Variants in NSL1 observed in about 807,000 individuals in gnomAD.
The protein encoded by NSL1 is kinetochore-associated protein NSL1 homolog.
A neutral mutation model predicts 25.4 loss-of-function variants in NSL1; 11 were observed. The ratio of observed to expected loss-of-function variants is 0.43; its 90% CI spans 0.27 to 0.72. NSL1 has a LOEUF of 0.72. NSL1 is among the 30% of genes least tolerant of loss of function. NSL1 has a pLI of 0.19. For missense variants in NSL1, 330 were observed against 342.7 expected, an observed-to-expected ratio of 0.96 and a Z score of 0.29; for synonymous variants, 118 against 120.6, an observed-to-expected ratio of 0.98 and a Z score of 0.14.
rs972615572 is a variant in NSL1 at position 212,760,095 on chromosome 1, A to G, written c.500-20494T>C. On this transcript the variant is annotated intron_variant, in intron 4 of 5. Transcript: ENST00000366977. The surrounding 1 kb of genome is among the most constrained non-coding windows in gnomAD (Gnocchi z 4.3). ...CAGACCATCGCCAGTGCCCAATCAT[A>G]CTGTCCAGGGCCTGGGGATTGACCT... Among the ~76,000 whole-genome samples, 1 of 151,598 alleles carries G rather than the reference A, an allele frequency of 6.6e-6. No homozygotes were observed. Among genetic ancestry groups the G allele is most frequent in the Middle Eastern group, 3.2e-3 (1 of 316 alleles).
rs1192623890 is a variant in NSL1, at chr1:212,728,678, T to A, written c.*9730A>T. 2.0e-6 allele frequency: 2 copies of A among 985,356 alleles called. No homozygotes were observed. The highest frequency in any genetic ancestry group is 1.7e-5 in the African/African-American group (1 of 57,256). The allele number at this position is 985,356 out of a possible 1,614,324, so 61.0% of individuals were successfully genotyped here. On this transcript the variant is annotated 3_prime_UTR_variant, in exon 6 of 6. Coordinates refer to ENST00000366977, the MANE Select transcript of NSL1 (RefSeq NM_015471.4). Reference sequence around the variant, plus strand: ...CACAGGCTTATCTGCACATCACTTATACCATTTGGTGAGATCTCTGGAGAA... The same window carrying A: ...CACAGGCTTATCTGCACATCACTTAAACCATTTGGTGAGATCTCTGGAGAA...
intron 4 of NSL1, among the ~76,000 whole-genome samples, chr1:212,754,476 A>C (rs900841151): frequency 6.6e-6 from 1 of 152,036 alleles, no homozygotes; most frequent in Non-Finnish European, 1.5e-5. Context: ...AAGGTGGCTG[A>C]AAAAAACTGC....
chr1:212,745,488 T>G (rs911848712), intron 4 of NSL1, among the ~76,000 whole-genome samples: 2 of 151,964 alleles, frequency 1.3e-5, no homozygotes, highest in African/African-American at 4.8e-5. Context: ...TCATTACATA[T>G]AAGACATCCT....
rs920224496 is a variant in NSL1 at position 212,733,624 on chromosome 1, C to T, written c.*4784G>A. 6.6e-6 allele frequency among the ~76,000 whole-genome samples: 1 copy of T among 151,850 alleles called. No individual in the cohort carries two copies. The stretch of plus-strand genomic sequence containing the variant: ...TTTGTGAGAGGCTTCTTTCACTTGG[C>T]ATGTTTTAAGGTTCATCTACACTGT... On this transcript the variant is annotated 3_prime_UTR_variant, in exon 6 of 6. Coordinates refer to ENST00000366977, the MANE Select transcript of NSL1 (RefSeq NM_015471.4).
At chr1:212,773,084 AAACT>A (rs2102385814) in intron 4 of NSL1, among the ~76,000 whole-genome samples, 2 of 152,326 alleles carry the variant, frequency 1.3e-5, no homozygotes, top group East Asian at 3.9e-4. Context: ...CAAAACTATA[AAACT>A]ACTATAGGGA....
chr1:212,776,757 C>G (rs114836432), intron 4 of NSL1, among the ~76,000 whole-genome samples: 2,249 of 151,336 alleles, frequency 0.015, 57 homozygotes, highest in African/African-American at 0.052. Context: ...CCAACAACAA[C>G]AAAAACTTCT....
chr1:212,738,690 C>T lies in NSL1; in HGVS notation c.568-4G>A. Reference sequence around the variant, plus strand: ...GTTCAATTAATGCAGGCAAGGACTTCAAACAAACAAACAGTAATATTCAAC... The same window carrying T: ...GTTCAATTAATGCAGGCAAGGACTTTAAACAAACAAACAGTAATATTCAAC... On this transcript the variant is annotated splice_polypyrimidine_tract_variant and splice_region_variant and intron_variant, in intron 5 of 5. Coordinates refer to ENST00000366977, the MANE Select transcript of NSL1 (RefSeq NM_015471.4). 1 of 1,606,964 alleles carries T rather than the reference C, an allele frequency of 6.2e-7. No individual in the cohort carries two copies. Among genetic ancestry groups the T allele is most frequent in the Admixed American group, 1.7e-5 (1 of 59,384 alleles).
chr1:212,728,307 A>T lies in NSL1; in HGVS notation c.*10101T>A. 11 of 982,300 alleles carry T rather than the reference A, an allele frequency of 1.1e-5. No homozygotes were observed. Among genetic ancestry groups the T allele is most frequent in the Non-Finnish European group, 1.3e-5 (11 of 827,060 alleles). 60.8% of individuals were successfully genotyped at this position (982,300 alleles called of 1,614,324 possible). ...ATTTAAAGTATTTTTGTACAATTCC[A>T]GGCATAAAGTGGATTCTTTATATGC... On this transcript the variant is annotated 3_prime_UTR_variant, in exon 6 of 6. Transcript: ENST00000366977.
chr1:212,782,458 T>A (rs1226681229), intron 3 of NSL1, 32 bp from the exon 4 acceptor site: 4 of 1,422,300 alleles, frequency 2.8e-6, no homozygotes, highest in Admixed American at 1.7e-5. Flanking sequence ...ACAGATTTAA[T>A]CACTTAATGC....
Position 212,732,752 on chromosome 1 carries a change from G to A in NSL1, c.*5656C>T. Reference sequence around the variant, plus strand: ...CCCTTTGGAATAGAGCACAGCCCCTGGTAGAACCCCCAAACGGGATGCCTT... The same window carrying A: ...CCCTTTGGAATAGAGCACAGCCCCTAGTAGAACCCCCAAACGGGATGCCTT... On this transcript the variant is annotated 3_prime_UTR_variant, in exon 6 of 6. Coordinates refer to ENST00000366977, the MANE Select transcript of NSL1 (RefSeq NM_015471.4). 8 of 620,950 alleles carry A rather than the reference G, an allele frequency of 1.3e-5. No individual in the cohort carries two copies. Among genetic ancestry groups the A allele is most frequent in the Non-Finnish European group, 1.6e-5 (8 of 497,058 alleles). 38.5% of individuals were successfully genotyped at this position (620,950 alleles called of 1,614,324 possible). A position where few individuals can be genotyped will look rare whatever the true frequency, so the allele number is the denominator to read the frequency against.
Position 212,738,230 on chromosome 1 carries a change from A to G in NSL1, c.*178T>C, listed in dbSNP as rs935993652. The G allele has an allele frequency of 7.3e-7, 1 of 1,360,860 alleles. No homozygotes were observed. Among genetic ancestry groups the G allele is most frequent in the Admixed American group, 3.2e-5 (1 of 30,932 alleles). 84.3% of individuals were successfully genotyped at this position (1,360,860 alleles called of 1,614,324 possible). ...GCTTTTTATTTACAATAGATAAAACAGTAAGGAAATACAATATTATATCAT... is the reference window on the plus strand; with the variant it reads ...GCTTTTTATTTACAATAGATAAAACGGTAAGGAAATACAATATTATATCAT... On this transcript the variant is annotated 3_prime_UTR_variant, in exon 6 of 6. Coordinates refer to ENST00000366977, the MANE Select transcript of NSL1 (RefSeq NM_015471.4).
chr1:212,784,319 T>C, intron 3 of NSL1, 44 bp downstream of exon 3: 1 of 1,350,160 alleles, frequency 7.4e-7, no homozygotes, highest in Non-Finnish European at 1.0e-6. Flanking sequence ...ATGTTTTTAT[T>C]GTGGTAAAAT....
chr1:212,743,902 ACTCTG>A (rs1157379244), intron 4 of NSL1, among the ~76,000 whole-genome samples: 1 of 151,844 alleles, frequency 6.6e-6, no homozygotes, highest in Non-Finnish European at 1.5e-5. Flanking sequence ...AACAGAGTAG[ACTCTG>A]CTCTCAAAGA....
chr1:212,736,066 C>T lies in NSL1; in HGVS notation c.*2342G>A, dbSNP rs1362342535. 3.1e-6 allele frequency: 3 copies of T among 976,374 alleles called. No homozygotes were observed. The highest frequency in any genetic ancestry group is 3.7e-6 in the Non-Finnish European group (3 of 821,786). The allele number at this position is 976,374 out of a possible 1,614,324, so 60.5% of individuals were successfully genotyped here. On this transcript the variant is annotated 3_prime_UTR_variant, in exon 6 of 6. Coordinates refer to ENST00000366977, the MANE Select transcript of NSL1 (RefSeq NM_015471.4). ...TCTTATTATTATTTTGAAACAGGGT[C>T]TCACTCTGTCACCCAGGCTGGAGTA...
chr1:212,770,969 T>C (rs533523822), intron 4 of NSL1, among the ~76,000 whole-genome samples: 3 of 152,238 alleles, frequency 2.0e-5, no homozygotes, highest in East Asian at 1.9e-4. Context: ...ATCATCTCAA[T>C]AGATGCAGAA....
intron 1 of NSL1, among the ~76,000 whole-genome samples, chr1:212,791,138 A>C (rs768320061): frequency 6.6e-6 from 1 of 152,164 alleles, no homozygotes; most frequent in Non-Finnish European, 1.5e-5. Flanking sequence ...TAAATGCAGC[A>C]CACCAGATTT....
rs1334065210 is a variant in NSL1, at chr1:212,728,770, C to A, written c.*9638G>T. The A allele has an allele frequency of 8.1e-6, 8 of 985,280 alleles. No individual in the cohort carries two copies. The highest frequency in any genetic ancestry group is 8.4e-6 in the Non-Finnish European group (7 of 829,942). The allele number at this position is 985,280 out of a possible 1,614,324, so 61.0% of individuals were successfully genotyped here. On this transcript the variant is annotated 3_prime_UTR_variant, in exon 6 of 6. Coordinates refer to ENST00000366977, the MANE Select transcript of NSL1 (RefSeq NM_015471.4). ...CCGTCCCCTTTGTTGCCACATCTCG[C>A]AGCTTCTCCCTTCTGTTTTTCCTCT...
chr1:212,769,079 T>C (rs948844711), intron 4 of NSL1, among the ~76,000 whole-genome samples: 3 of 132,046 alleles, frequency 2.3e-5, no homozygotes, highest in Non-Finnish European at 5.0e-5. Context: ...GGAGGAGGAA[T>C]AAAAAAAAAA....
At chr1:212,750,252 G>A (rs1659004951) in intron 4 of NSL1, among the ~76,000 whole-genome samples, 1 of 151,972 alleles carries the variant, frequency 6.6e-6, no homozygotes, top group Non-Finnish European at 1.5e-5. Context: ...GAAGGGAGAG[G>A]GAAATCTTCA....
Sources: allele counts gnomAD v4.1 joint callset (sites outside exome capture counted in the v4.1 genomes callset), GRCh38; gene constraint gnomAD v4.1.1; non-coding constraint Gnocchi (gnomAD v3.1); transcripts MANE v1.5; gene names NCBI Gene and HGNC (gene_info 2026-07-23, HGNC 2026-07-21).